The following CCDC12 variants were observed in gnomAD, a reference collection of about 807,000 sequenced individuals.
CCDC12 encodes coiled-coil domain-containing protein 12.
A neutral mutation model predicts 25.7 loss-of-function variants in CCDC12; 28 were observed. The ratio of observed to expected loss-of-function variants is 1.09; its 90% CI spans 0.81 to 1.50. The LOEUF (loss-of-function observed/expected upper bound fraction) is 1.50, where lower values mean the gene tolerates loss of function less well. CCDC12 is among the 40% of genes most tolerant of loss of function. The pLI is 0.00. For missense variants in CCDC12, 198 were observed against 210.0 expected, an observed-to-expected ratio of 0.94 and a Z score of 0.35; for synonymous variants, 75 against 87.7, an observed-to-expected ratio of 0.86 and a Z score of 0.81.
chr3:46,957,632 A>G (rs755026751), intron 1 of CCDC12, among the ~76,000 whole-genome samples: 8 of 152,164 alleles, frequency 5.3e-5, no homozygotes, highest in Non-Finnish European at 8.8e-5. Context: ...GTACTGACTG[A>G]GTAGCTAGGT....
chr3:46,926,226 A>C (rs1290715937), intron 2 of CCDC12, among the ~76,000 whole-genome samples: 1 of 152,150 alleles, frequency 6.6e-6, no homozygotes. Context: ...CTCCAGGAGG[A>C]GGTGGCGCCT....
intron 2 of CCDC12, among the ~76,000 whole-genome samples, chr3:46,938,198 A>G (rs2033532811): frequency 6.6e-4 from 1 of 1,508 alleles, no homozygotes; most frequent in Non-Finnish European, 0.018. Flanking sequence ...GCGGTGAGAA[A>G]AAACAAAACA....
Position 46,955,531 on chromosome 3 carries a change from C to A in CCDC12, c.97-14466G>T, listed in dbSNP as rs77614153. ...GAGAAGAGGGAAGATGCAGACTGAG[C>A]GGTCAGAGAGGGGAATGTCAGGGTC... is the stretch of plus-strand genomic sequence containing the variant. On this transcript the variant is annotated intron_variant, in intron 1 of 6. Coordinates refer to ENST00000683445, the MANE Select transcript of CCDC12 (RefSeq NM_001277074.2). 5.7e-3 allele frequency among the ~76,000 whole-genome samples: 868 copies of A among 152,046 alleles called. 9 individuals are homozygous for A. Among genetic ancestry groups the A allele is most frequent in the African/African-American group, 0.02 (829 of 41,430 alleles).
intron 1 of CCDC12, among the ~76,000 whole-genome samples, chr3:46,975,124 ATGGCAATTAAT>A (rs1366843074): frequency 1.3e-5 from 2 of 152,190 alleles, no homozygotes; most frequent in African/African-American, 4.8e-5. Flanking sequence ...GCTTCCGAAT[ATGGCAATTAAT>A]AGGCTAGTAG....
At chr3:46,929,048 TAAC>T (rs2033098365) in intron 2 of CCDC12, among the ~76,000 whole-genome samples, 2 of 152,118 alleles carry the variant, frequency 1.3e-5, no homozygotes, top group Admixed American at 1.3e-4. Flanking sequence ...AAAAGAGTAA[TAAC>T]AACTTATAGT....
upstream of CCDC12, among the ~76,000 whole-genome samples, chr3:46,980,173 G>C (rs2035221209): frequency 6.6e-6 from 1 of 152,334 alleles, no homozygotes; most frequent in East Asian, 1.9e-4. Context: ...GGACCGTGCA[G>C]CCTGAGTCTT....
chr3:46,952,140 C>T (rs1310483653), intron 1 of CCDC12, among the ~76,000 whole-genome samples: 2 of 152,008 alleles, frequency 1.3e-5, no homozygotes, highest in Non-Finnish European at 2.9e-5. Flanking sequence ...AGACTGGAAG[C>T]TCTCAGAGGC....
At chr3:46,981,063 G>C (rs1477094233), upstream of CCDC12, among the ~76,000 whole-genome samples, 1 of 152,226 alleles carries the variant, frequency 6.6e-6, no homozygotes, top group African/African-American at 2.4e-5. Context: ...CCAGGCCCCA[G>C]CAGGAGGCCA....
At chr3:46,976,416 C>A (rs1259668056) in intron 1 of CCDC12, 2 of 1,416,230 alleles carry the variant, frequency 1.4e-6, no homozygotes, top group Non-Finnish European at 1.8e-6. Context: ...GCCTTGCCCA[C>A]CCCCGCGCAT....
At position 46,924,029 on chromosome 3, in the gene CCDC12, G is replaced by A. The variant is rs116204447; in HGVS notation, c.245-361C>T. On this transcript the variant is annotated intron_variant, in intron 3 of 6. Transcript: ENST00000683445. ...CCCAGGGCTCCTGGGCTCTGAGGAT[G>A]TCCTCTGGGTCCCGGCCTAGCCAGA... 1,217 of 199,724 alleles carry A rather than the reference G, an allele frequency of 6.1e-3. 16 individuals carry two copies. Among genetic ancestry groups the A allele is most frequent in the African/African-American group, 0.027 (1,154 of 43,518 alleles). 12.4% of individuals were successfully genotyped at this position (199,724 alleles called of 1,614,324 possible).
chr3:46,979,855 C>T, upstream of CCDC12: 1 of 461,412 alleles, frequency 2.2e-6, no homozygotes, highest in Non-Finnish European at 3.9e-6. Flanking sequence ...CGGAGCCGGG[C>T]CGGGCCATGG....
intron 1 of CCDC12, among the ~76,000 whole-genome samples, chr3:46,950,624 T>A (rs1215256261): frequency 1.3e-5 from 2 of 152,224 alleles, no homozygotes; most frequent in African/African-American, 2.4e-5. Flanking sequence ...GCCCATTTTT[T>A]AAAATGTAAC....
At chr3:46,926,576 CCA>C (rs1462766191) in intron 2 of CCDC12, among the ~76,000 whole-genome samples, 2 of 152,048 alleles carry the variant, frequency 1.3e-5, no homozygotes, top group African/African-American at 4.8e-5. Context: ...AATCCTAGCC[CCA>C]CACACACAGA....
intron 1 of CCDC12, among the ~76,000 whole-genome samples, chr3:46,945,937 C>T (rs1171257738): frequency 6.6e-6 from 1 of 152,094 alleles, no homozygotes; most frequent in Non-Finnish European, 1.5e-5. Flanking sequence ...TCCTCAGACT[C>T]GGTGTTTCAA....
Position 46,976,513 on chromosome 3 carries a change from T to C in CCDC12, c.96+124A>G, listed in dbSNP as rs1340580894. The C allele has an allele frequency of 4.8e-6, 7 of 1,447,320 alleles. No individual in the cohort carries two copies. The East Asian group carries it at 1.3e-4, about 26-fold the overall frequency. 89.7% of individuals were successfully genotyped at this position (1,447,320 alleles called of 1,614,324 possible). ...GGGCGCCGTCTTCTCGCGCATGCGTTAGCGCCCGCGCATGCGCGCCCTCGG... is the reference window on the plus strand; with the variant it reads ...GGGCGCCGTCTTCTCGCGCATGCGTCAGCGCCCGCGCATGCGCGCCCTCGG... On this transcript the variant is annotated intron_variant, in intron 1 of 6. Transcript: ENST00000683445.
intron 2 of CCDC12, among the ~76,000 whole-genome samples, chr3:46,928,495 C>T (rs188893052): frequency 6.9e-4 from 105 of 151,944 alleles, no homozygotes; most frequent in African/African-American, 2.5e-3. Context: ...GCAGAAACCA[C>T]AATTACTTTT....
upstream of CCDC12, among the ~76,000 whole-genome samples, chr3:46,981,646 GTCC>G (rs943560175): frequency 6.6e-6 from 1 of 152,162 alleles, no homozygotes; most frequent in African/African-American, 2.4e-5. Context: ...GCCTACCCTA[GTCC>G]TCCTTCCTCG....
At chr3:46,964,184 C>T (rs1287984467) in intron 1 of CCDC12, among the ~76,000 whole-genome samples, 4 of 151,820 alleles carry the variant, frequency 2.6e-5, no homozygotes, top group African/African-American at 7.2e-5. Context: ...GCCTGGCAGC[C>T]GCCCCGTCTG....
chr3:46,941,092 GCTCAGTTGAAAGCTCCTA>G (rs2033683266), intron 1 of CCDC12, 27 bp from the exon 2 acceptor site: 1 of 1,611,678 alleles, frequency 6.2e-7, no homozygotes, highest in African/African-American at 1.3e-5. Flanking sequence ...AAAACCACCA[GCTCAGTTGAAAGCTCCTA>G]CTTCCAGTCC....
Sources: gnomAD v4.1 joint callset for allele counts (sites outside exome capture counted in the v4.1 genomes callset) on GRCh38, gnomAD v4.1.1 for gene constraint, MANE v1.5 for transcripts, NCBI Gene and HGNC (gene_info 2026-07-23, HGNC 2026-07-21) for gene names.